The following AKAP7 variants were observed in gnomAD, a reference collection of about 807,000 sequenced individuals.
AKAP7 encodes the protein A kinase (PRKA) anchor protein 7.
Under a neutral mutation model 39.5 loss-of-function variants are expected in AKAP7, and 39 were observed. The observed-to-expected ratio is 0.99, with a 90% confidence interval of 0.76 to 1.29. The LOEUF (loss-of-function observed/expected upper bound fraction) is 1.29. Ranked by LOEUF, AKAP7 falls within the 50% of genes most tolerant of loss-of-function variation. The pLI, the probability that AKAP7 is intolerant of heterozygous loss-of-function variation, is 0.00. For synonymous variants in AKAP7, 140 were observed against 139.1 expected (o/e 1.01, Z -0.05); for missense variants, 414 against 407.7 (o/e 1.02, Z -0.13).
At chr6:131,126,738 T>A in the AKAP7 span, among the ~76,000 whole-genome samples, 30 of 152,304 alleles carry the variant, frequency 2.0e-4, no homozygotes, top group East Asian at 4.0e-3. Flanking sequence ...TCCATATTCA[T>A]GCGTCTTGTC....
chr6:131,253,217 C>G (rs1009196941), intron 7 of AKAP7: 6 of 979,098 alleles, frequency 6.1e-6, no homozygotes, highest in African/African-American at 5.0e-5. Flanking sequence ...ATTAGTGCTA[C>G]TGTTTTAGTC....
chr6:131,257,541 C>T (rs6936954), intron 7 of AKAP7, among the ~76,000 whole-genome samples: 3,587 of 152,202 alleles, frequency 0.024, 145 homozygotes, highest in African/African-American at 0.081. Context: ...CTTTCCCCCA[C>T]TTCTTGGGGT....
chr6:131,239,891 C>G (rs942653831), intron 7 of AKAP7, among the ~76,000 whole-genome samples: 10 of 152,156 alleles, frequency 6.6e-5, no homozygotes, highest in African/African-American at 2.4e-4. Flanking sequence ...TCGTCTGAAG[C>G]CTTCTTCTCT....
At chr6:131,216,259 G>A (rs962422038) in intron 6 of AKAP7, among the ~76,000 whole-genome samples, 3 of 152,110 alleles carry the variant, frequency 2.0e-5, no homozygotes, top group South Asian at 4.1e-4. Flanking sequence ...TTTTGTGACC[G>A]TCTGTCTACT....
At chr6:131,215,459 G>A (rs1809085867) in intron 6 of AKAP7, among the ~76,000 whole-genome samples, 1 of 152,232 alleles carries the variant, frequency 6.6e-6, no homozygotes, top group African/African-American at 2.4e-5. Context: ...AGGCTGGGGT[G>A]GAACTGAGCC....
At chr6:131,140,167 C>T (rs1262046841) in intron 1 of AKAP7, among the ~76,000 whole-genome samples, 2 of 152,080 alleles carry the variant, frequency 1.3e-5, no homozygotes, top group Non-Finnish European at 2.9e-5. Flanking sequence ...TCTTGCACAT[C>T]GGAATTACTC....
rs565826354 is a variant in AKAP7, at chr6:131,165,093, A to G, written c.304A>G (p.Ile102Val). The G allele has an allele frequency of 3.1e-6, 5 of 1,607,216 alleles. No homozygotes were observed. In the African/African-American group the frequency reaches 5.4e-5, roughly 17 times the overall value. ...PITNKEIIKG[I>V]KILQNAIIQQ... is the part of the protein sequence containing the mutation. The stretch of plus-strand genomic sequence containing the variant: ...TATGTGTTATTAGATTATAAAAGGA[A>G]TTAAGATCCTGCAGAATGCAATAAT... The change falls in exon 4 of 8, where the codon ATT becomes GTT. Residue 102 changes from isoleucine to valine, a missense_variant. Coordinates refer to ENST00000431975, the MANE Select transcript of AKAP7 (RefSeq NM_016377.4).
intron 6 of AKAP7, among the ~76,000 whole-genome samples, chr6:131,209,659 A>G (rs1808469417): frequency 6.6e-6 from 1 of 152,190 alleles, no homozygotes; most frequent in South Asian, 2.1e-4. Flanking sequence ...TGTTTGCCTT[A>G]ATTATATTAA....
intron 5 of AKAP7, among the ~76,000 whole-genome samples, chr6:131,173,263 C>G (rs1298908691): frequency 3.3e-5 from 5 of 151,034 alleles, no homozygotes; most frequent in African/African-American, 1.2e-4. Flanking sequence ...GACTATTTCT[C>G]TTGAACATGT....
Position 131,282,171 on chromosome 6 carries a change from C to G in AKAP7, c.*445C>G. 5 of 1,240,950 alleles carry G rather than the reference C, an allele frequency of 4.0e-6. No individual in the cohort carries two copies. Among genetic ancestry groups the G allele is most frequent in the Non-Finnish European group, 5.0e-6 (5 of 993,162 alleles). The allele number at this position is 1,240,950 out of a possible 1,614,324, so 76.9% of individuals were successfully genotyped here. On this transcript the variant is annotated 3_prime_UTR_variant, in exon 8 of 8. Coordinates refer to ENST00000431975, the MANE Select transcript of AKAP7 (RefSeq NM_016377.4). ...AAATAATCACTGTTGGAATTGTCAT[C>G]TGTACAATTAGTCCATAATGTTTCA...
the AKAP7 span, among the ~76,000 whole-genome samples, chr6:131,126,759 G>A: frequency 6.6e-6 from 1 of 152,160 alleles, no homozygotes; most frequent in Admixed American, 6.5e-5. Flanking sequence ...TCCCTCTGCT[G>A]CTCCATTAGC....
intron 5 of AKAP7, among the ~76,000 whole-genome samples, chr6:131,183,204 G>C (rs970944131): frequency 1.2e-4 from 18 of 152,322 alleles, no homozygotes; most frequent in African/African-American, 4.3e-4. Flanking sequence ...GCGGCCAAGG[G>C]GGAAGGCTAC....
At chr6:131,184,965 G>A in intron 5 of AKAP7, 1 of 779,852 alleles carries the variant, frequency 1.3e-6, no homozygotes, top group South Asian at 1.4e-5. Context: ...CCGATGCTTG[G>A]GAGCATCTTC....
In AKAP7 at chr6:131,160,159, A is replaced by G. The variant is rs1161907355; in HGVS notation, c.252A>G (p.Gln84=). 1.9e-6 allele frequency: 3 copies of G among 1,612,080 alleles called. No homozygotes were observed. The East Asian group carries it at 6.7e-5, about 36-fold the overall frequency. Reference sequence around the variant, plus strand: ...GGAAAAAAAAGAGAAAAGATTATCAACCCAACTATTTCCTGTCCATTCCAA... The same window carrying G: ...GGAAAAAAAAGAGAAAAGATTATCAGCCCAACTATTTCCTGTCCATTCCAA... ...KKRKKKRKDY[Q]PNYFLSIPIT... is the part of the protein sequence containing the mutation. Residue 84 remains glutamine, a synonymous_variant, in exon 3 of 8, where the codon CAA becomes CAG. Transcript: ENST00000431975.
chr6:131,257,738 T>A (rs938478867), intron 7 of AKAP7, among the ~76,000 whole-genome samples: 1 of 152,134 alleles, frequency 6.6e-6, no homozygotes, highest in African/African-American at 2.4e-5. Context: ...AGAGTCGTTC[T>A]GAGAATGGAG....
intron 5 of AKAP7, among the ~76,000 whole-genome samples, chr6:131,194,539 G>C (rs1806728314): frequency 6.6e-6 from 1 of 152,016 alleles, no homozygotes; most frequent in Non-Finnish European, 1.5e-5. Context: ...ATATCTATTA[G>C]GTCCATTTGG....
chr6:131,186,935 G>C (rs1057489532), intron 5 of AKAP7, among the ~76,000 whole-genome samples: 1 of 152,102 alleles, frequency 6.6e-6, no homozygotes, highest in African/African-American at 2.4e-5. Context: ...CCATATATGT[G>C]AGGGTTTATT....
At chr6:131,260,761 A>G (rs1813246897) in intron 7 of AKAP7, among the ~76,000 whole-genome samples, 1 of 152,146 alleles carries the variant, frequency 6.6e-6, no homozygotes, top group South Asian at 2.1e-4. Context: ...TTGTCTGTTC[A>G]CTATGATAAT....
intron 7 of AKAP7, among the ~76,000 whole-genome samples, chr6:131,259,812 T>G (rs1396943760): frequency 6.6e-6 from 1 of 152,174 alleles, no homozygotes; most frequent in Non-Finnish European, 1.5e-5. Context: ...TAAATTTTAT[T>G]TTAAGTTCTG....
Sources: allele counts gnomAD v4.1 joint callset (sites outside exome capture counted in the v4.1 genomes callset), GRCh38; gene constraint gnomAD v4.1.1; transcripts MANE v1.5; gene names NCBI Gene and HGNC (gene_info 2026-07-23, HGNC 2026-07-21).